The following KCNJ9 variants were observed in gnomAD, a reference collection of about 807,000 sequenced individuals.
KCNJ9 encodes G protein-activated inward rectifier potassium channel 3.
A neutral mutation model predicts 27.9 loss-of-function variants in KCNJ9; 18 were observed. That is an observed-to-expected ratio of 0.65 (90% CI 0.45 to 0.96). The LOEUF (loss-of-function observed/expected upper bound fraction) is 0.96, where lower values mean the gene tolerates loss of function less well. KCNJ9 is among the 40% of genes least tolerant of loss of function. The pLI, the probability that KCNJ9 is intolerant of heterozygous loss-of-function variation, is 0.00. For synonymous variants in KCNJ9, 229 were observed against 248.2 expected (o/e 0.92, Z 0.73); for missense variants, 324 against 557.5 (o/e 0.58, Z 4.22).
intron 2 of KCNJ9, 78 bp downstream of exon 2, chr1:160,084,958 GC>G: frequency 7.1e-7 from 1 of 1,417,786 alleles, no homozygotes; most frequent in Non-Finnish European, 9.4e-7. Context: ...GAGACTAGGG[GC>G]CAGGGGAGCT....
Position 160,084,642 on chromosome 1 carries a change from C to G in KCNJ9, c.612C>G (p.Ser204=). ...GCTCCTCACACATAGTGGAGGCCTC[C>G]ATCCGCGCCAAGCTCATCCGCTCGC... ...DLRSSHIVEA[S]IRAKLIRSRQ... is the part of the protein sequence containing the mutation. The change falls in exon 2 of 3, where the codon TCC becomes TCG. Residue 204 remains serine, a synonymous_variant. Transcript: ENST00000368088. The G allele has an allele frequency of 6.2e-7, 1 of 1,602,768 alleles. No individual in the cohort carries two copies. The highest frequency in any genetic ancestry group is 1.1e-5 in the South Asian group (1 of 89,406).
At chr1:160,084,934 A>T in intron 2 of KCNJ9, 54 bp downstream of exon 2, 1 of 1,467,384 alleles carries the variant, frequency 6.8e-7, no homozygotes, top group Non-Finnish European at 9.0e-7. Context: ...GGCGGGACCG[A>T]GGAAGGCAGG....
At chr1:160,082,752 C>A (rs1649704599) in intron 1 of KCNJ9, among the ~76,000 whole-genome samples, 1 of 152,178 alleles carries the variant, frequency 6.6e-6, no homozygotes, top group African/African-American at 2.4e-5. Context: ...GTGGAAGAGT[C>A]CCAAATCCTA....
chr1:160,088,243 C>T lies in KCNJ9; in HGVS notation c.*426C>T, dbSNP rs1240905871. 6.3e-6 allele frequency: 1 copy of T among 158,676 alleles called. No homozygotes were observed. The highest frequency in any genetic ancestry group is 1.4e-5 in the Non-Finnish European group (1 of 72,678). 9.8% of individuals were successfully genotyped at this position (158,676 alleles called of 1,614,324 possible). A position where few individuals can be genotyped will look rare whatever the true frequency, so the allele number is the denominator to read the frequency against. On this transcript the variant is annotated 3_prime_UTR_variant, in exon 3 of 3. Transcript: ENST00000368088. ...CAAATTTTAAAAAGGAACCCTTTTC[C>T]TCCAGACAGATACAGCCCCAAACCA...
chr1:160,088,017 T>G lies in KCNJ9; in HGVS notation c.*200T>G. The G allele has an allele frequency of 2.2e-6, 1 of 453,714 alleles. No homozygotes were observed. The allele number at this position is 453,714 out of a possible 1,614,324, so 28.1% of individuals were successfully genotyped here. ...GGGAGGGGTCCTGATTTCAGGGAAATGGAGGGTGGGGCCGGGTGAAAATGC... is the reference window on the plus strand; with the variant it reads ...GGGAGGGGTCCTGATTTCAGGGAAAGGGAGGGTGGGGCCGGGTGAAAATGC... On this transcript the variant is annotated 3_prime_UTR_variant, in exon 3 of 3. Transcript: ENST00000368088.
rs1649730606 is a variant in KCNJ9 at position 160,084,038 on chromosome 1, A to G, written c.8A>G (p.Gln3Arg). 1.3e-6 allele frequency: 2 copies of G among 1,501,544 alleles called. No individual in the cohort carries two copies. Among genetic ancestry groups the G allele is most frequent in the East Asian group, 2.5e-5 (1 of 39,744 alleles). The allele number at this position is 1,501,544 out of a possible 1,614,324, so 93.0% of individuals were successfully genotyped here. Residue 3 changes from glutamine to arginine, a missense_variant, in exon 2 of 3, where the codon CAG becomes CGG. This residue lies in a region of KCNJ9 where 32 missense variants were observed against 31.7 expected (regional missense o/e 1.01). Coordinates refer to ENST00000368088, the MANE Select transcript of KCNJ9 (RefSeq NM_004983.3). The stretch of plus-strand genomic sequence containing the variant: ...CGCCCTGACGCGGCCGCCATGGCGC[A>G]GGAGAACGCGGCCTTCTCGCCCGGG... MAQENAAFSPGQE... is the reference protein window; with the variant it reads MARENAAFSPGQE...
In KCNJ9 at chr1:160,084,804, G is replaced by T; in HGVS notation, c.774G>T (p.Trp258Cys). ...AGATCGACGCCGCCAGCCCCTTCTG[G>T]GAGGCGTCGCGCCGTGCCCTCGAGA... ...SHEIDAASPF[W>C]EASRRALERD... The change falls in exon 2 of 3, where the codon TGG (tryptophan) becomes TGT (cysteine). Residue 258 changes from tryptophan to cysteine, a missense_variant. Physicochemically the swap from Trp to Cys is radical, Grantham distance 215 (BLOSUM62 -2). Coordinates refer to ENST00000368088, the MANE Select transcript of KCNJ9 (RefSeq NM_004983.3). The T allele has an allele frequency of 6.4e-7, 1 of 1,550,904 alleles. No individual in the cohort carries two copies. The highest frequency in any genetic ancestry group is 8.7e-7 in the Non-Finnish European group (1 of 1,147,844).
Position 160,089,571 on chromosome 1 carries a change from A to T in KCNJ9, c.*1754A>T, listed in dbSNP as rs1649855120. The T allele has an allele frequency of 6.6e-6, 1 of 152,306 alleles. No homozygotes were observed. Among genetic ancestry groups the T allele is most frequent in the Non-Finnish European group, 1.5e-5 (1 of 68,124 alleles). The allele number at this position is 152,306 out of a possible 1,614,324, so 9.4% of individuals were successfully genotyped here. A position where few individuals can be genotyped will look rare whatever the true frequency, so the allele number is the denominator to read the frequency against. ...GGAGAGAAGCGATAGGAGTTAGAACATCTGGATGTGTCTGCAGCCTGCTGT... is the reference window on the plus strand; with the variant it reads ...GGAGAGAAGCGATAGGAGTTAGAACTTCTGGATGTGTCTGCAGCCTGCTGT... On this transcript the variant is annotated 3_prime_UTR_variant, in exon 3 of 3. Transcript: ENST00000368088.
chr1:160,089,021 C>A lies in KCNJ9; in HGVS notation c.*1204C>A, dbSNP rs753711052. ...ATCACCTGGAGGGCTTGGTAAAACA[C>A]AGATTTTTGGGCTCCACTCCAAGGG... On this transcript the variant is annotated 3_prime_UTR_variant, in exon 3 of 3. Coordinates refer to ENST00000368088, the MANE Select transcript of KCNJ9 (RefSeq NM_004983.3). The A allele has an allele frequency of 1.3e-5, 2 of 152,224 alleles. No individual in the cohort carries two copies. The highest frequency in any genetic ancestry group is 2.9e-5 in the Non-Finnish European group (2 of 68,054). 9.4% of individuals were successfully genotyped at this position (152,224 alleles called of 1,614,324 possible).
Position 160,084,045 on chromosome 1 carries a change from C to G in KCNJ9, c.15C>G (p.Asn5Lys). Residue 5 changes from asparagine to lysine, a missense_variant, in exon 2 of 3, where the codon AAC becomes AAG. Physicochemically the swap from Asn to Lys is moderately conservative, Grantham distance 94 (BLOSUM62 0). Coordinates refer to ENST00000368088, the MANE Select transcript of KCNJ9 (RefSeq NM_004983.3). MAQE[N>K]AAFSPGQEEP... The stretch of plus-strand genomic sequence containing the variant: ...ACGCGGCCGCCATGGCGCAGGAGAA[C>G]GCGGCCTTCTCGCCCGGGCAGGAGG... 6.6e-7 allele frequency: 1 copy of G among 1,515,682 alleles called. No individual in the cohort carries two copies. Among genetic ancestry groups the G allele is most frequent in the South Asian group, 1.2e-5 (1 of 82,028 alleles). The allele number at this position is 1,515,682 out of a possible 1,614,324, so 93.9% of individuals were successfully genotyped here.
At chr1:160,087,361 C>A in intron 2 of KCNJ9, 125 bp from the exon 3 acceptor site, 2 of 1,361,796 alleles carry the variant, frequency 1.5e-6, no homozygotes, top group South Asian at 1.8e-5. Context: ...TGGACTGGAC[C>A]AAAGGGAGGT....
Sources: allele counts gnomAD v4.1 joint callset (sites outside exome capture counted in the v4.1 genomes callset), GRCh38; gene constraint gnomAD v4.1.1; regional missense constraint gnomAD v4.1.1; transcripts MANE v1.5; gene names NCBI Gene and HGNC (gene_info 2026-07-23, HGNC 2026-07-21).